The following SIK3 variants were observed in gnomAD, a reference collection of about 807,000 sequenced individuals.
The protein encoded by SIK3 is SIK family kinase 3, also known as serine/threonine-protein kinase SIK3.
In SIK3, 28 loss-of-function variants were observed where a neutral mutation model predicts 144.2. The ratio of observed to expected loss-of-function variants is 0.19; its 90% CI spans 0.14 to 0.27. SIK3 has a LOEUF of 0.27. Among genes scored for constraint, SIK3 ranks in the 10% least tolerant of loss-of-function variants. The pLI, the probability that SIK3 is intolerant of heterozygous loss-of-function variation, is 1.00. For missense variants in SIK3, 1,319 were observed against 1,776.0 expected (o/e 0.74, Z 4.62); for synonymous variants, 686 against 676.3 (o/e 1.01, Z -0.22).
chr11:116,964,334 T>C (rs1408093784), intron 1 of SIK3, among the ~76,000 whole-genome samples: 1 of 152,102 alleles, frequency 6.6e-6, no homozygotes, highest in Non-Finnish European at 1.5e-5. Context: ...TATTTCAGCT[T>C]GAAACAATTA....
intron 1 of SIK3, among the ~76,000 whole-genome samples, chr11:117,026,383 T>C (rs1433382950): frequency 6.6e-6 from 1 of 152,204 alleles, no homozygotes; most frequent in East Asian, 1.9e-4. Flanking sequence ...TCTCAGAATG[T>C]ATCCCCATCG....
intron 1 of SIK3, among the ~76,000 whole-genome samples, chr11:117,034,476 GA>G (rs1952404816): frequency 6.6e-6 from 1 of 152,172 alleles, no homozygotes; most frequent in South Asian, 2.1e-4. Flanking sequence ...ATTGAAGGGA[GA>G]AATTAAGTAT....
chr11:116,886,470 G>A (rs1022337723), intron 6 of SIK3, among the ~76,000 whole-genome samples: 11 of 152,294 alleles, frequency 7.2e-5, no homozygotes, highest in East Asian at 1.9e-4. Context: ...CTTTTTGGCA[G>A]TAGCTGCAGG....
chr11:117,053,272 G>C (rs867285186), intron 1 of SIK3, among the ~76,000 whole-genome samples: 25 of 151,732 alleles, frequency 1.6e-4, no homozygotes, highest in Non-Finnish European at 2.8e-4. Flanking sequence ...AGGAGGCGGA[G>C]GTCACAGTGA....
chr11:116,990,559 G>A (rs941115486), intron 1 of SIK3, among the ~76,000 whole-genome samples: 1 of 152,060 alleles, frequency 6.6e-6, no homozygotes, highest in Non-Finnish European at 1.5e-5. Context: ...TTTAAAAAAA[G>A]AAAACATTAA....
intron 7 of SIK3, 34 bp downstream of exon 7, chr11:116,876,888 CAG>C: frequency 1.3e-6 from 2 of 1,565,442 alleles, no homozygotes; most frequent in African/African-American, 1.4e-5. Flanking sequence ...CAGCAGCTTT[CAG>C]AGGAGTCCCC....
chr11:117,036,801 T>C (rs1416652028), intron 1 of SIK3, among the ~76,000 whole-genome samples: 1 of 152,182 alleles, frequency 6.6e-6, no homozygotes, highest in Non-Finnish European at 1.5e-5. Context: ...TGGGATAGTA[T>C]ATAAAAATAC....
chr11:116,875,445 G>A lies in SIK3; in HGVS notation c.1246C>T (p.Gln416Ter). ...FQAPVNIQAE[Q>*]AGTAMNISVP... ...CTGATGTTCATAGCAGTACCTGCCTGCTCCGCCTGGAAAGCAGTACATACA... is the reference window on the plus strand; with the variant it reads ...CTGATGTTCATAGCAGTACCTGCCTACTCCGCCTGGAAAGCAGTACATACA... Residue 416 changes from glutamine (Q) to a stop codon, truncating the protein, a stop_gained, in exon 10 of 25, where the codon CAG (glutamine) becomes TAG (stop). Coordinates refer to ENST00000445177, the MANE Select transcript of SIK3 (RefSeq NM_001366686.3). LOFTEE classifies it high-confidence loss of function. 6.2e-7 allele frequency: 1 copy of A among 1,614,060 alleles called. No homozygotes were observed. The highest frequency in any genetic ancestry group is 8.5e-7 in the Non-Finnish European group (1 of 1,179,994).
intron 1 of SIK3, among the ~76,000 whole-genome samples, chr11:117,020,246 T>TATATATATATATATATATATATATATAC: frequency 1.6e-5 from 2 of 127,232 alleles, no homozygotes; most frequent in African/African-American, 7.0e-5. Flanking sequence ...CATATATATA[T>TATATATATATATATATATATATATATAC]ACACATACAT....
At chr11:116,956,918 C>T (rs2135401534) in intron 2 of SIK3, 30 bp downstream of exon 2, 1 of 1,371,808 alleles carries the variant, frequency 7.3e-7, no homozygotes, top group Non-Finnish European at 9.9e-7. Context: ...GGGTTCTTTG[C>T]AGCTATCTGC....
chr11:116,988,257 G>A (rs961668243), intron 1 of SIK3, among the ~76,000 whole-genome samples: 1 of 151,994 alleles, frequency 6.6e-6, no homozygotes, highest in Non-Finnish European at 1.5e-5. Flanking sequence ...ACGGTGGCAG[G>A]CGCCTGTAGT....
chr11:116,997,346 G>A (rs2135588810), intron 1 of SIK3, among the ~76,000 whole-genome samples: 1 of 152,286 alleles, frequency 6.6e-6, no homozygotes, highest in East Asian at 1.9e-4. Flanking sequence ...CAGGCAAAAA[G>A]AAGACCCCAA....
intron 1 of SIK3, among the ~76,000 whole-genome samples, chr11:117,060,553 T>A (rs1365010959): frequency 6.8e-6 from 1 of 146,196 alleles, no homozygotes; most frequent in South Asian, 2.2e-4. Flanking sequence ...GCCGAGAGCA[T>A]GCCATTGCAC....
intron 3 of SIK3, among the ~76,000 whole-genome samples, chr11:116,940,433 G>A (rs928844946): frequency 6.6e-6 from 1 of 151,984 alleles, no homozygotes; most frequent in Non-Finnish European, 1.5e-5. Context: ...GTTTCAACAT[G>A]TTGGCCAGGC....
At chr11:117,051,323 C>A (rs1357613557) in intron 1 of SIK3, among the ~76,000 whole-genome samples, 1 of 152,138 alleles carries the variant, frequency 6.6e-6, no homozygotes, top group Non-Finnish European at 1.5e-5. Context: ...CTTAATTACA[C>A]CACCAGCTTT....
intron 1 of SIK3, among the ~76,000 whole-genome samples, chr11:117,000,460 A>T (rs1950810886): frequency 6.6e-6 from 1 of 152,212 alleles, no homozygotes; most frequent in Non-Finnish European, 1.5e-5. Flanking sequence ...GTGCCTTTTA[A>T]TGCACAGTTC....
Position 116,875,379 on chromosome 11 carries a change from C to A in SIK3, c.1312G>T (p.Val438Leu), listed in dbSNP as rs767830580. 2 of 1,614,080 alleles carry A rather than the reference C, an allele frequency of 1.2e-6. No homozygotes were observed. The highest frequency in any genetic ancestry group is 2.7e-5 in the African/African-American group (2 of 74,934). Residue 438 changes from valine to leucine, a missense_variant, in exon 10 of 25, where the codon GTG (valine) becomes TTG (leucine). Transcript: ENST00000445177. ...TCCCACAGGTTGCTACTTGCCTCCACAATTTGGTTCTCTGGGTTGATCAGC... is the reference window on the plus strand; with the variant it reads ...TCCCACAGGTTGCTACTTGCCTCCAAAATTTGGTTCTCTGGGTTGATCAGC... ...VQLINPENQI[V>L]EPDGTLNLDS...
In SIK3 at chr11:116,867,809, T is replaced by G; in HGVS notation, c.1952+137A>C. The G allele has an allele frequency of 4.6e-6, 4 of 875,220 alleles. No homozygotes were observed. Among genetic ancestry groups the G allele is most frequent in the Non-Finnish European group, 6.7e-6 (4 of 593,540 alleles). 54.2% of individuals were successfully genotyped at this position (875,220 alleles called of 1,614,324 possible). On this transcript the variant is annotated intron_variant, in intron 15 of 24. Transcript: ENST00000445177. The surrounding 1 kb of genome is among the most constrained non-coding windows in gnomAD (Gnocchi z 4.1). ...CTGTGCATTGCTTACTGCAAGGAGC[T>G]GAGAAGATGTGAGTTCAGGATGACA... is the stretch of plus-strand genomic sequence containing the variant.
chr11:117,017,434 C>T (rs1290294270), intron 1 of SIK3, among the ~76,000 whole-genome samples: 1 of 151,766 alleles, frequency 6.6e-6, no homozygotes, highest in Non-Finnish European at 1.5e-5. Context: ...TTTTATTATA[C>T]ACTTTTCAGT....
Sources: gnomAD v4.1 joint callset for allele counts (sites outside exome capture counted in the v4.1 genomes callset) on GRCh38, gnomAD v4.1.1 for gene constraint, Gnocchi (gnomAD v3.1) non-coding constraint, MANE v1.5 for transcripts, NCBI Gene and HGNC (gene_info 2026-07-23, HGNC 2026-07-21) for gene names.